HTR1E: variants seen among roughly 807,000 people sequenced by gnomAD.
HTR1E encodes 5-hydroxytryptamine receptor 1E.
Under a neutral mutation model 3.4 loss-of-function variants are expected in HTR1E, and 3 were observed. The ratio of observed to expected loss-of-function variants is 0.89; its 90% CI spans 0.41 to 2.31. HTR1E has a LOEUF of 2.31. Ranked by LOEUF, HTR1E falls within the 30% of genes most tolerant of loss-of-function variation. HTR1E has a pLI of 0.05. For synonymous variants in HTR1E, 170 were observed against 182.8 expected, an observed-to-expected ratio of 0.93 and a Z score of 0.56; for missense variants, 392 against 467.0, an observed-to-expected ratio of 0.84 and a Z score of 1.48.
At chr6:87,008,928 T>C (rs1030762335) in intron 1 of HTR1E, among the ~76,000 whole-genome samples, 2 of 152,228 alleles carry the variant, frequency 1.3e-5, no homozygotes, top group African/African-American at 4.8e-5. Flanking sequence ...ACTCTCCTTA[T>C]GTTTAAGCTT....
At chr6:86,972,108 A>C (rs543413793) in intron 1 of HTR1E, among the ~76,000 whole-genome samples, 17 of 152,284 alleles carry the variant, frequency 1.1e-4, no homozygotes, top group Non-Finnish European at 2.4e-4. Context: ...AATCTTACCT[A>C]CTTTAGTTGG....
At chr6:86,940,903 T>A (rs944302175) in intron 1 of HTR1E, among the ~76,000 whole-genome samples, 4 of 152,262 alleles carry the variant, frequency 2.6e-5, no homozygotes, top group Non-Finnish European at 5.9e-5. Flanking sequence ...GAGTTTAGCA[T>A]CTCATGCTTT....
At chr6:86,966,267 A>G (rs1227069569) in intron 1 of HTR1E, among the ~76,000 whole-genome samples, 1 of 152,230 alleles carries the variant, frequency 6.6e-6, no homozygotes. Context: ...ATGTTATAAC[A>G]TAAGAAGAAA....
At chr6:87,011,281 G>A (rs1395648858) in intron 1 of HTR1E, among the ~76,000 whole-genome samples, 1 of 152,188 alleles carries the variant, frequency 6.6e-6, no homozygotes, top group Non-Finnish European at 1.5e-5. Context: ...AGGAGGGAAT[G>A]ACTTATCAAA....
intron 1 of HTR1E, among the ~76,000 whole-genome samples, chr6:87,010,358 C>T (rs1449251020): frequency 7.6e-4 from 78 of 102,930 alleles, no homozygotes; most frequent in African/African-American, 2.9e-3. Flanking sequence ...GCTGGCCGGG[C>T]GGGGGGCTGA....
chr6:87,011,455 G>A (rs532835942), intron 1 of HTR1E, among the ~76,000 whole-genome samples: 7 of 152,302 alleles, frequency 4.6e-5, no homozygotes, highest in Admixed American at 1.3e-4. Context: ...TACATGCAAC[G>A]TAAATGAGTT....
chr6:86,976,911 A>G (rs1406274476), intron 1 of HTR1E, among the ~76,000 whole-genome samples: 2 of 152,254 alleles, frequency 1.3e-5, no homozygotes, highest in Non-Finnish European at 2.9e-5. Flanking sequence ...GTAGTTTTTG[A>G]AACACAATAA....
At chr6:87,010,394 G>C (rs1768199311) in intron 1 of HTR1E, among the ~76,000 whole-genome samples, 1 of 147,774 alleles carries the variant, frequency 6.8e-6, no homozygotes. Context: ...CCCGGACGGG[G>C]TGGCTGGCCG....
At chr6:86,967,178 T>C (rs1348086994) in intron 1 of HTR1E, among the ~76,000 whole-genome samples, 3 of 152,010 alleles carry the variant, frequency 2.0e-5, no homozygotes, top group Non-Finnish European at 4.4e-5. Context: ...CCATGGCATA[T>C]CACAAAACAT....
At chr6:86,959,585 T>C (rs750287307) in intron 1 of HTR1E, among the ~76,000 whole-genome samples, 8 of 152,104 alleles carry the variant, frequency 5.3e-5, no homozygotes, top group Non-Finnish European at 1.2e-4. Flanking sequence ...CTGGGTACCA[T>C]TGCCTAGCCA....
In HTR1E at chr6:86,984,259, G is replaced by A. The variant is rs1408819805; in HGVS notation, c.-185-30891G>A. On this transcript the variant is annotated intron_variant, in intron 1 of 1. Transcript: ENST00000305344. ...ATATTTCATTATATTTTACCTGTGT[G>A]TAAAATATAATACTGTCTTCTTGGG... Among the ~76,000 whole-genome samples the A allele has an allele frequency of 3.9e-5, 6 of 152,166 alleles. No homozygotes were observed. The East Asian group carries it at 7.7e-4, about 19-fold the overall frequency.
At position 87,015,363 on chromosome 6, in the gene HTR1E, C is replaced by T. The variant is rs761396943; in HGVS notation, c.29C>T (p.Ala10Val). The T allele has an allele frequency of 1.4e-5, 22 of 1,586,644 alleles. No individual in the cohort carries two copies. Among genetic ancestry groups the T allele is most frequent in the South Asian group, 5.7e-5 (5 of 88,000 alleles). Reference protein sequence around the residue: MNITNCTTEASMAIRPKTIT... With the variant: MNITNCTTEVSMAIRPKTIT... ...AACATCACAAACTGTACCACAGAGG[C>T]CAGCATGGCTATAAGACCCAAGACC... The change falls in exon 2 of 2, where the codon GCC (alanine) becomes GTC (valine). Residue 10 changes from alanine (A) to valine (V), a missense_variant. Coordinates refer to ENST00000305344, the MANE Select transcript of HTR1E (RefSeq NM_000865.3).
chr6:87,009,269 G>C (rs1044001235), intron 1 of HTR1E, among the ~76,000 whole-genome samples: 2 of 149,574 alleles, frequency 1.3e-5, no homozygotes, highest in East Asian at 2.0e-4. Context: ...GACTCTTAAC[G>C]AGCATGCTGC....
chr6:86,979,908 G>A (rs1265005303), intron 1 of HTR1E, among the ~76,000 whole-genome samples: 1 of 152,098 alleles, frequency 6.6e-6, no homozygotes, highest in Non-Finnish European at 1.5e-5. Flanking sequence ...ATGATCATAG[G>A]TGGAAGGTTA....
chr6:86,939,081 T>C (rs532814154), intron 1 of HTR1E, among the ~76,000 whole-genome samples: 22 of 152,306 alleles, frequency 1.4e-4, no homozygotes, highest in African/African-American at 5.3e-4. Context: ...TGAGACAGCT[T>C]TTCTCTTTCT....
intron 1 of HTR1E, among the ~76,000 whole-genome samples, chr6:86,946,568 A>C (rs1324427340): frequency 1.3e-5 from 2 of 152,250 alleles, no homozygotes; most frequent in Non-Finnish European, 2.9e-5. Context: ...GAAATCTAAA[A>C]AAATGAGATG....
At chr6:87,005,928 AT>A (rs1361481231) in intron 1 of HTR1E, among the ~76,000 whole-genome samples, 2 of 152,216 alleles carry the variant, frequency 1.3e-5, no homozygotes, top group African/African-American at 4.8e-5. Context: ...CAGGCAAAAG[AT>A]TTGAATACAC....
At chr6:87,009,889 C>A (rs1178789913) in intron 1 of HTR1E, among the ~76,000 whole-genome samples, 6 of 115,494 alleles carry the variant, frequency 5.2e-5, no homozygotes, top group African/African-American at 1.2e-4. Flanking sequence ...GGGGGCCGAC[C>A]TCCCCACCTC....
intron 1 of HTR1E, among the ~76,000 whole-genome samples, chr6:87,005,716 CAACCAAAAGTG>C: frequency 6.6e-6 from 1 of 152,198 alleles, no homozygotes; most frequent in Non-Finnish European, 1.5e-5. Context: ...CAAGCACAGG[CAACCAAAAGTG>C]AACAAATTGG....
Sources: gnomAD v4.1 joint callset for allele counts (sites outside exome capture counted in the v4.1 genomes callset) on GRCh38, gnomAD v4.1.1 for gene constraint, MANE v1.5 for transcripts, NCBI Gene and HGNC (gene_info 2026-07-23, HGNC 2026-07-21) for gene names.